Variants in PLCB1 observed in about 807,000 individuals in gnomAD.
PLCB1 encodes 1-phosphatidylinositol 4,5-bisphosphate phosphodiesterase beta-1.
PLCB1 carries 46 observed loss-of-function variants against 161.8 expected under a neutral mutation model. That is an observed-to-expected ratio of 0.28 (90% CI 0.22 to 0.36). The LOEUF is 0.36. Among genes scored for constraint, PLCB1 ranks in the 10% least tolerant of loss-of-function variants. The pLI, the probability that PLCB1 is intolerant of heterozygous loss-of-function variation, is 1.00. For synonymous variants in PLCB1, 517 were observed against 503.7 expected, an observed-to-expected ratio of 1.03 and a Z score of -0.35; for missense variants, 1,016 against 1,472.5, an observed-to-expected ratio of 0.69 and a Z score of 5.07.
chr20:8,502,965 T>C (rs1416969753), intron 3 of PLCB1, among the ~76,000 whole-genome samples: 2 of 152,180 alleles, frequency 1.3e-5, no homozygotes, highest in Admixed American at 6.5e-5. Context: ...TCACCTCTCT[T>C]CATCAATCCT....
intron 3 of PLCB1, among the ~76,000 whole-genome samples, chr20:8,396,467 A>G (rs1300034849): frequency 6.6e-6 from 1 of 152,090 alleles, no homozygotes; most frequent in Non-Finnish European, 1.5e-5. Flanking sequence ...TAAATAAATT[A>G]TTCGGTTGTA....
chr20:8,632,478 G>A (rs182972744), intron 4 of PLCB1, among the ~76,000 whole-genome samples: 1 of 152,258 alleles, frequency 6.6e-6, no homozygotes, highest in East Asian at 1.9e-4. Context: ...ATACATTCTA[G>A]TGTGGGAGAC....
At chr20:8,151,051 A>G (rs982012734) in intron 2 of PLCB1, among the ~76,000 whole-genome samples, 4 of 152,172 alleles carry the variant, frequency 2.6e-5, no homozygotes, top group East Asian at 1.9e-4. Context: ...AGATGAGAAC[A>G]CTCATGGAAA....
At chr20:8,233,364 A>C (rs1270542461) in intron 2 of PLCB1, among the ~76,000 whole-genome samples, 1 of 152,120 alleles carries the variant, frequency 6.6e-6, no homozygotes, top group African/African-American at 2.4e-5. Context: ...AATAAGAATG[A>C]ATCCTTTTTA....
chr20:8,578,157 C>A (rs1174625070), intron 3 of PLCB1, among the ~76,000 whole-genome samples: 2 of 152,230 alleles, frequency 1.3e-5, no homozygotes, highest in Non-Finnish European at 2.9e-5. Context: ...ACTATGCAAA[C>A]TTTTGTGTGT....
intron 3 of PLCB1, among the ~76,000 whole-genome samples, chr20:8,593,303 G>A (rs1987209138): frequency 6.6e-6 from 1 of 152,032 alleles, no homozygotes; most frequent in African/African-American, 2.4e-5. Flanking sequence ...CTCCCAAGTA[G>A]CCAGGACTAC....
chr20:8,149,046 A>G (rs992412310), intron 1 of PLCB1, among the ~76,000 whole-genome samples: 4 of 152,218 alleles, frequency 2.6e-5, no homozygotes, highest in Non-Finnish European at 4.4e-5. Context: ...ACTGAAAGGC[A>G]TATTAGAAAA....
intron 3 of PLCB1, among the ~76,000 whole-genome samples, chr20:8,391,785 GTATATATATATATATATATATATATATA>G (rs374178427): frequency 2.6e-5 from 3 of 115,156 alleles, no homozygotes; most frequent in Non-Finnish European, 3.5e-5. Context: ...ATATGTGTGT[GTATATATATATATATATATATATATATA>G]TATATATATA....
intron 7 of PLCB1, among the ~76,000 whole-genome samples, chr20:8,651,040 C>G (rs1308956519): frequency 1.3e-5 from 2 of 152,166 alleles, no homozygotes; most frequent in Non-Finnish European, 2.9e-5. Context: ...ATGACTGGCT[C>G]TAAAATGATT....
At position 8,601,064 on chromosome 20, in the gene PLCB1, C is replaced by G. The variant is rs562091156; in HGVS notation, c.247-27230C>G. 1.5e-4 allele frequency among the ~76,000 whole-genome samples: 22 copies of G among 150,690 alleles called. No individual in the cohort carries two copies. The East Asian group carries it at 3.9e-3, about 27-fold the overall frequency. On this transcript the variant is annotated intron_variant, in intron 3 of 31. Coordinates refer to ENST00000338037, the MANE Select transcript of PLCB1 (RefSeq NM_015192.4). Reference sequence around the variant, plus strand: ...AAATGCAGAAATCACCCGTCTTCTGCGTCGCTCACGCTGGGAGCTGTAGAC... The same window carrying G: ...AAATGCAGAAATCACCCGTCTTCTGGGTCGCTCACGCTGGGAGCTGTAGAC...
chr20:8,457,837 T>G (rs1981396201), intron 3 of PLCB1, among the ~76,000 whole-genome samples: 1 of 152,114 alleles, frequency 6.6e-6, no homozygotes. Context: ...GCCTTTACCC[T>G]CTGTGGAATT....
chr20:8,776,312 G>A (rs1160383413), intron 27 of PLCB1, among the ~76,000 whole-genome samples: 18 of 152,194 alleles, frequency 1.2e-4, no homozygotes, highest in Admixed American at 1.2e-3. Context: ...ACAACTGGAA[G>A]GTGGTACATT....
chr20:8,390,488 C>G (rs1024428198), intron 3 of PLCB1, among the ~76,000 whole-genome samples: 3 of 152,182 alleles, frequency 2.0e-5, no homozygotes, highest in African/African-American at 7.2e-5. Flanking sequence ...CAGCCCTTAA[C>G]AGTGTTCCCT....
At chr20:8,697,832 C>G in intron 11 of PLCB1, 49 bp downstream of exon 11, 1 of 1,571,606 alleles carries the variant, frequency 6.4e-7, no homozygotes, top group Non-Finnish European at 8.7e-7. Context: ...ACACCTGATT[C>G]CTTTTGGTTA....
At chr20:8,685,362 C>T (rs910243056) in intron 10 of PLCB1, among the ~76,000 whole-genome samples, 1 of 152,080 alleles carries the variant, frequency 6.6e-6, no homozygotes, top group Non-Finnish European at 1.5e-5. Context: ...TGTAACTGAA[C>T]TCATTCTTCA....
chr20:8,630,891 G>A (rs1313319146), intron 4 of PLCB1, among the ~76,000 whole-genome samples: 1 of 152,060 alleles, frequency 6.6e-6, no homozygotes, highest in African/African-American at 2.4e-5. Context: ...TGGGTTACTA[G>A]CCACTAATTT....
chr20:8,526,295 A>G (rs946534141), intron 3 of PLCB1, among the ~76,000 whole-genome samples: 4 of 152,158 alleles, frequency 2.6e-5, no homozygotes, highest in African/African-American at 9.7e-5. Flanking sequence ...CACTGGCTCT[A>G]TCATTTTCTT....
intron 12 of PLCB1, chr20:8,715,972 C>T: frequency 8.7e-6 from 3 of 343,204 alleles, no homozygotes; most frequent in South Asian, 1.6e-4. Context: ...GAGCCTCTAA[C>T]TCTGGGAATT....
chr20:8,523,490 C>CCATATATA lies in PLCB1; in HGVS notation c.247-104804_247-104803insCATATATA, dbSNP rs1206489907. On this transcript the variant is annotated intron_variant, in intron 3 of 31. Transcript: ENST00000338037. ...GCTCTCTCTCTCTCTCTCTCTCTCT[C>CCATATATA]TCTCTCTATATATATATATATATAT... Among the ~76,000 whole-genome samples the CCATATATA allele has an allele frequency of 2.0e-3, 133 of 67,602 alleles. 17 individuals are homozygous for CCATATATA. The highest frequency in any genetic ancestry group is 2.9e-3 in the African/African-American group (45 of 15,428). The allele number at this position is 67,602 out of a possible 152,430, so 44.3% of individuals were successfully genotyped here. A position where few individuals can be genotyped will look rare whatever the true frequency, so the allele number is the denominator to read the frequency against.
Sources: allele counts gnomAD v4.1 joint callset (sites outside exome capture counted in the v4.1 genomes callset), GRCh38; gene constraint gnomAD v4.1.1; transcripts MANE v1.5; gene names NCBI Gene and HGNC (gene_info 2026-07-23, HGNC 2026-07-21).